Variants in TRAF3 observed in about 807,000 individuals in gnomAD.
TRAF3 encodes the protein TNF receptor associated factor 3.
Under a neutral mutation model 62.3 loss-of-function variants are expected in TRAF3, and 13 were observed. The observed-to-expected ratio is 0.21, with a 90% confidence interval of 0.14 to 0.33. TRAF3 has a LOEUF of 0.33. TRAF3 is among the 10% of genes least tolerant of loss of function. The probability of loss-of-function intolerance (pLI) is 1.00; values close to 1 mark genes in which losing one functional copy is unlikely to be tolerated. For missense variants in TRAF3, 440 were observed against 741.8 expected (o/e 0.59, Z 4.73); for synonymous variants, 269 against 283.4 (o/e 0.95, Z 0.51).
intron 1 of TRAF3, among the ~76,000 whole-genome samples, chr14:102,786,197 A>G (rs545167860): frequency 1.3e-5 from 2 of 152,312 alleles, no homozygotes; most frequent in African/African-American, 4.8e-5. Context: ...TTTCTCATCT[A>G]TGCAAAGGTA....
At chr14:102,820,620 T>A (rs1253878462) in intron 1 of TRAF3, among the ~76,000 whole-genome samples, 161 of 43,076 alleles carry the variant, frequency 3.7e-3, no homozygotes, top group African/African-American at 0.011. Context: ...ATATATTTTT[T>A]TTTTTTTTTT....
At chr14:102,845,533 C>A (rs1453123985) in intron 2 of TRAF3, among the ~76,000 whole-genome samples, 1 of 107,256 alleles carries the variant, frequency 9.3e-6, no homozygotes, top group Non-Finnish European at 1.8e-5. Context: ...TTTTTTTTTT[C>A]AAGACGGAGT....
chr14:102,793,569 G>GGAT (rs1276401584), intron 1 of TRAF3, among the ~76,000 whole-genome samples: 1 of 152,168 alleles, frequency 6.6e-6, no homozygotes. Context: ...TCTCTGGCTG[G>GGAT]GATGATGATG....
Position 102,889,626 on chromosome 14 carries a change from G to T in TRAF3, c.718G>T (p.Val240Phe). 1 of 1,614,204 alleles carries T rather than the reference G, an allele frequency of 6.2e-7. No homozygotes were observed. The highest frequency in any genetic ancestry group is 8.5e-7 in the Non-Finnish European group (1 of 1,180,040). ...STCSFKRYGC[V>F]FQGTNQQIKA... is the part of the protein sequence containing the mutation. The stretch of plus-strand genomic sequence containing the variant: ...CTGTAGTTTTAAGCGCTATGGCTGC[G>T]TTTTTCAGGTCAGTATCCGACATTT... The change falls in exon 8 of 12, where the codon GTT (valine) becomes TTT (phenylalanine). Residue 240 changes from valine to phenylalanine, a missense_variant. Val to Phe is a conservative substitution (Grantham distance 50). This residue lies in a region of TRAF3 where 255 missense variants were observed against 424.1 expected (regional missense o/e 0.60). Transcript: ENST00000392745.
chr14:102,897,766 C>T (rs997724021), intron 10 of TRAF3, among the ~76,000 whole-genome samples: 31 of 152,238 alleles, frequency 2.0e-4, no homozygotes, highest in African/African-American at 5.3e-4. Flanking sequence ...CAAAGTCTCA[C>T]TTCCTGCAGT....
At chr14:102,788,106 C>T (rs1016549994) in intron 1 of TRAF3, among the ~76,000 whole-genome samples, 1 of 152,036 alleles carries the variant, frequency 6.6e-6, no homozygotes, top group Admixed American at 6.6e-5. Context: ...CTGCCCGCCT[C>T]AGCCTCCCAA....
At chr14:102,866,423 A>G in intron 2 of TRAF3, among the ~76,000 whole-genome samples, 1 of 152,344 alleles carries the variant, frequency 6.6e-6, no homozygotes, top group South Asian at 2.1e-4. Flanking sequence ...ATAATTTAAA[A>G]AAAAGTCAAG....
rs1320019578 is a variant in TRAF3, at chr14:102,820,173, G to C, written c.-156-10161G>C. Among the ~76,000 whole-genome samples the C allele has an allele frequency of 2.0e-5, 3 of 152,150 alleles. No homozygotes were observed. The East Asian group carries it at 5.8e-4, about 29-fold the overall frequency. ...GTGCGGTTTCAGGTGAGCCACATGGGGGGCTGGCAGAAGGGGCACTGCATT... is the reference window on the plus strand; with the variant it reads ...GTGCGGTTTCAGGTGAGCCACATGGCGGGCTGGCAGAAGGGGCACTGCATT... On this transcript the variant is annotated intron_variant, in intron 1 of 11. Coordinates refer to ENST00000392745, the MANE Select transcript of TRAF3 (RefSeq NM_145725.3).
chr14:102,795,598 A>ATGTGTGTGTGTGTGTGTGTGTGTGTG (rs58263343), intron 1 of TRAF3, among the ~76,000 whole-genome samples: 9 of 149,314 alleles, frequency 6.0e-5, no homozygotes, highest in Non-Finnish European at 1.0e-4. Flanking sequence ...ATATGTATAT[A>ATGTGTGTGTGTGTGTGTGTGTGTGTG]TGTGTGTGTG....
intron 6 of TRAF3, among the ~76,000 whole-genome samples, chr14:102,877,137 T>A (rs147157314): frequency 0.025 from 3,607 of 145,588 alleles, 113 homozygotes; most frequent in African/African-American, 0.044. Context: ...CCTCAACTCA[T>A]AGATAATCCG....
chr14:102,903,730 C>T lies in TRAF3; in HGVS notation c.1135+301C>T. 1.9e-6 allele frequency: 1 copy of T among 535,366 alleles called. No individual in the cohort carries two copies. The highest frequency in any genetic ancestry group is 3.6e-6 in the Non-Finnish European group (1 of 279,448). The allele number at this position is 535,366 out of a possible 1,614,324, so 33.2% of individuals were successfully genotyped here. A position where few individuals can be genotyped will look rare whatever the true frequency, so the allele number is the denominator to read the frequency against. ...GGGAGAGACTGGCCGCAGGGTGACC[C>T]ACAGGACAGGCCCAAGCGCAGATGG... On this transcript the variant is annotated intron_variant, in intron 11 of 11. Transcript: ENST00000392745. The surrounding 1 kb of genome is among the most constrained non-coding windows in gnomAD (Gnocchi z 6.4).
intron 1 of TRAF3, chr14:102,810,790 G>A (rs1471236870): frequency 1.3e-5 from 2 of 152,294 alleles, no homozygotes; most frequent in African/African-American, 2.4e-5. Context: ...CATGGAGGAG[G>A]TCAGTGTTGT....
chr14:102,854,801 G>GTTTTTTTTTTTT (rs35634271), intron 2 of TRAF3, among the ~76,000 whole-genome samples: 1 of 136,870 alleles, frequency 7.3e-6, no homozygotes, highest in Non-Finnish European at 1.6e-5. Context: ...GCACCTGGCT[G>GTTTTTTTTTTTT]TTTTTTTTTT....
intron 9 of TRAF3, among the ~76,000 whole-genome samples, chr14:102,896,806 C>T (rs1566805617): frequency 6.6e-6 from 1 of 152,170 alleles, no homozygotes; most frequent in Non-Finnish European, 1.5e-5. Flanking sequence ...ACTCACACCT[C>T]TAATCCCAAC....
chr14:102,849,198 C>T (rs1886890199), intron 2 of TRAF3, among the ~76,000 whole-genome samples: 1 of 152,254 alleles, frequency 6.6e-6, no homozygotes, highest in African/African-American at 2.4e-5. Flanking sequence ...TTCACGTCTT[C>T]AAATACAGTT....
intron 1 of TRAF3, among the ~76,000 whole-genome samples, chr14:102,814,749 C>T (rs139703947): frequency 6.6e-6 from 1 of 152,268 alleles, no homozygotes; most frequent in East Asian, 1.9e-4. Context: ...TCTCGAGCTC[C>T]TGAGCTCAAG....
At chr14:102,846,004 AAAAAAT>A (rs774070130) in intron 2 of TRAF3, among the ~76,000 whole-genome samples, 18,833 of 130,192 alleles carry the variant, frequency 0.14, 1,846 homozygotes, top group East Asian at 0.24. Context: ...AAAAAAAAAA[AAAAAAT>A]ACTATTATAC....
rs1171620987 is a variant in TRAF3 at position 102,895,323 on chromosome 14, T to C, written c.820-1938T>C. ...TGAGACATTGCAAGTTTTGTATTCC[T>C]TAGTAAATACATACTTGTTTTAAAA... On this transcript the variant is annotated intron_variant, in intron 9 of 11. Transcript: ENST00000392745. 2.2e-4 allele frequency: 65 copies of C among 291,198 alleles called. No individual in the cohort carries two copies. In the Admixed American group the frequency reaches 3.2e-3, roughly 14 times the overall value. The allele number at this position is 291,198 out of a possible 1,614,324, so 18.0% of individuals were successfully genotyped here.
In TRAF3 at chr14:102,891,430, C is replaced by CT; in HGVS notation, c.819+16dup. On this transcript the variant is annotated intron_variant, in intron 9 of 11. Transcript: ENST00000392745. ...GCTCGAAAAGAAGGTGGGCTGCACA[C>CT]TTTCCTGCTGCTATGGGATTTGTAT... 3.7e-6 allele frequency: 6 copies of CT among 1,605,240 alleles called. No individual in the cohort carries two copies. Among genetic ancestry groups the CT allele is most frequent in the Non-Finnish European group, 4.3e-6 (5 of 1,176,196 alleles).
Sources: gnomAD v4.1 joint callset for allele counts (sites outside exome capture counted in the v4.1 genomes callset) on GRCh38, gnomAD v4.1.1 for gene constraint, gnomAD v4.1.1 regional missense constraint, Gnocchi (gnomAD v3.1) non-coding constraint, MANE v1.5 for transcripts, NCBI Gene and HGNC (gene_info 2026-07-23, HGNC 2026-07-21) for gene names.